HMCN1: variants seen among roughly 807,000 people sequenced by gnomAD.
HMCN1 encodes hemicentin-1.
In HMCN1, 321 loss-of-function variants were observed where a neutral mutation model predicts 625.9. That is an observed-to-expected ratio of 0.51 (90% CI 0.47 to 0.56). HMCN1 has a LOEUF of 0.56. Ranked by LOEUF, HMCN1 falls within the 20% of genes least tolerant of loss-of-function variation. The pLI is 0.00. For missense variants in HMCN1, 6,588 were observed against 6,887.3 expected (o/e 0.96, Z 1.54); for synonymous variants, 2,425 against 2,417.6 (o/e 1.00, Z -0.09).
chr1:185,893,199 T>C (rs935157371), intron 4 of HMCN1, among the ~76,000 whole-genome samples: 2 of 152,232 alleles, frequency 1.3e-5, no homozygotes, highest in African/African-American at 4.8e-5. Flanking sequence ...CAGTGACCTG[T>C]GCCCACTGTC....
chr1:185,780,825 T>A (rs1485480856), intron 1 of HMCN1, among the ~76,000 whole-genome samples: 1 of 152,178 alleles, frequency 6.6e-6, no homozygotes, highest in Non-Finnish European at 1.5e-5. Context: ...TTGTTGTGTC[T>A]CTGCCAGGCT....
chr1:186,161,133 G>C (rs1278933859), intron 97 of HMCN1, among the ~76,000 whole-genome samples: 1 of 151,716 alleles, frequency 6.6e-6, no homozygotes, highest in Non-Finnish European at 1.5e-5. Context: ...ATTTAGGATA[G>C]TTAGCTCTTC....
intron 97 of HMCN1, among the ~76,000 whole-genome samples, chr1:186,158,617 G>A (rs1266067001): frequency 1.3e-5 from 2 of 152,216 alleles, no homozygotes; most frequent in East Asian, 3.9e-4. Context: ...TTTGTATAAG[G>A]TGTAAGGAAG....
chr1:185,857,360 T>C (rs1388805376), intron 2 of HMCN1, among the ~76,000 whole-genome samples: 3 of 152,152 alleles, frequency 2.0e-5, no homozygotes, highest in African/African-American at 7.2e-5. Context: ...TATTTCAGGG[T>C]TCAAATAAAA....
At chr1:186,119,672 A>C in intron 78 of HMCN1, 73 bp from the exon 79 acceptor site, 1 of 1,462,238 alleles carries the variant, frequency 6.8e-7, no homozygotes, top group Non-Finnish European at 9.6e-7. Context: ...GGTATTTTTA[A>C]GCTCATTACT....
chr1:186,017,713 G>C (rs1389237403), intron 33 of HMCN1, among the ~76,000 whole-genome samples: 4 of 151,900 alleles, frequency 2.6e-5, no homozygotes, highest in African/African-American at 9.7e-5. Context: ...TGTTTTGCTG[G>C]TTATTATTTA....
intron 89 of HMCN1, among the ~76,000 whole-genome samples, chr1:186,143,888 G>A (rs1650121787): frequency 6.6e-6 from 1 of 152,170 alleles, no homozygotes; most frequent in African/African-American, 2.4e-5. Flanking sequence ...ATTTATATAT[G>A]GTAGTTTGAG....
At chr1:186,023,670 T>G (rs1350618180) in intron 36 of HMCN1, among the ~76,000 whole-genome samples, 2 of 152,154 alleles carry the variant, frequency 1.3e-5, no homozygotes, top group Non-Finnish European at 2.9e-5. Flanking sequence ...ACTTCAGATC[T>G]CTAGAGGCTC....
chr1:185,859,658 A>G (rs1662738915), intron 2 of HMCN1, among the ~76,000 whole-genome samples: 1 of 151,784 alleles, frequency 6.6e-6, no homozygotes, highest in Admixed American at 6.6e-5. Flanking sequence ...AGATCATTTT[A>G]TTTATTATTA....
intron 1 of HMCN1, among the ~76,000 whole-genome samples, chr1:185,845,768 A>G (rs541319696): frequency 1.3e-5 from 2 of 152,332 alleles, no homozygotes; most frequent in South Asian, 4.1e-4. Flanking sequence ...TGCTCTCCTG[A>G]TTCTTTGTCC....
chr1:185,877,712 T>C (rs1664046942), intron 4 of HMCN1, among the ~76,000 whole-genome samples: 1 of 152,146 alleles, frequency 6.6e-6, no homozygotes, highest in South Asian at 2.1e-4. Context: ...GGTATTTTAC[T>C]CTTTTTGTAT....
At chr1:185,928,693 T>G in intron 10 of HMCN1, 26 bp downstream of exon 10, 1 of 1,611,634 alleles carries the variant, frequency 6.2e-7, no homozygotes, top group Non-Finnish European at 8.5e-7. Flanking sequence ...TTCTTTGCAG[T>G]TGCCCAAGTA....
chr1:185,998,797 T>A (rs79315372), intron 25 of HMCN1, among the ~76,000 whole-genome samples: 2,021 of 152,268 alleles, frequency 0.013, 54 homozygotes, highest in African/African-American at 0.045. Context: ...ATTTAAAAAT[T>A]AAAGACAATG....
rs1663057363 is a variant in HMCN1, at chr1:185,864,474, G to A, written c.344G>A (p.Gly115Asp). 1 of 1,613,744 alleles carries A rather than the reference G, an allele frequency of 6.2e-7. No homozygotes were observed. Among genetic ancestry groups the A allele is most frequent in the Non-Finnish European group, 8.5e-7 (1 of 1,179,884 alleles). ...ATTTTTCTCTCCACTCAACAGGGTG[G>A]TGGTGATTGCCCAGAAATGAGTATT... The part of the protein sequence containing the change: ...YELRELYVQG[G>D]GDCPEMSIGA... Residue 115 changes from glycine (G) to aspartate (D), a missense_variant, in exon 3 of 107, where the codon GGT (glycine) becomes GAT (aspartate). By Grantham distance (94) the Gly-to-Asp change is moderately conservative (BLOSUM62 -1). Transcript: ENST00000271588.
intron 89 of HMCN1, 68 bp downstream of exon 89, chr1:186,138,040 A>G (rs1649729187): frequency 1.3e-6 from 2 of 1,541,528 alleles, no homozygotes; most frequent in Non-Finnish European, 1.8e-6. Context: ...AAAGAATTAC[A>G]TTTGCCTTTT....
intron 52 of HMCN1, among the ~76,000 whole-genome samples, chr1:186,073,762 T>C (rs952336422): frequency 4.6e-5 from 7 of 150,866 alleles, no homozygotes; most frequent in African/African-American, 1.2e-4. Flanking sequence ...TATTGCAAGG[T>C]CAATGGATTG....
chr1:186,078,047 T>C (rs1284915869), intron 54 of HMCN1, 60 bp from the exon 55 acceptor site: 3 of 1,277,668 alleles, frequency 2.3e-6, no homozygotes, highest in Non-Finnish European at 3.4e-6. Flanking sequence ...TTTGTATCTG[T>C]TTATGGCTTG....
chr1:186,114,241 C>G (rs754289663), intron 73 of HMCN1, 118 bp downstream of exon 73: 3 of 1,036,298 alleles, frequency 2.9e-6, no homozygotes, highest in Non-Finnish European at 3.0e-6. Flanking sequence ...CATCTTAATA[C>G]GAGAATCAAA....
At chr1:185,967,596 A>G (rs190738477) in intron 14 of HMCN1, among the ~76,000 whole-genome samples, 10 of 152,112 alleles carry the variant, frequency 6.6e-5, no homozygotes, top group Admixed American at 6.6e-4. Context: ...CAGGCAGACA[A>G]TTTATGCATA....
Sources: gnomAD v4.1 joint callset for allele counts (sites outside exome capture counted in the v4.1 genomes callset) on GRCh38, gnomAD v4.1.1 for gene constraint, MANE v1.5 for transcripts, NCBI Gene and HGNC (gene_info 2026-07-23, HGNC 2026-07-21) for gene names.